Variants in COBLL1 observed in about 807,000 individuals in gnomAD.
COBLL1 encodes the protein cordon-bleu WH2 repeat protein like 1, also known as cordon-bleu protein-like 1.
COBLL1 carries 50 observed loss-of-function variants against 94.8 expected under a neutral mutation model. The observed-to-expected ratio is 0.53, with a 90% confidence interval of 0.42 to 0.67. The LOEUF is 0.67. COBLL1 is among the 30% of genes least tolerant of loss of function. The pLI, the probability that COBLL1 is intolerant of heterozygous loss-of-function variation, is 0.00. For synonymous variants in COBLL1, 448 were observed against 473.8 expected (o/e 0.95, Z 0.71); for missense variants, 1,362 against 1,348.7 (o/e 1.01, Z -0.15).
At chr2:164,823,512 A>C (rs911776461) in intron 2 of COBLL1, among the ~76,000 whole-genome samples, 2 of 152,166 alleles carry the variant, frequency 1.3e-5, no homozygotes, top group Non-Finnish European at 2.9e-5. Flanking sequence ...AGCAAAGATT[A>C]ATAACCAGAA....
At position 164,812,667 on chromosome 2, in the gene COBLL1, T is replaced by G. The variant is rs536256052; in HGVS notation, c.41+28489A>C. On this transcript the variant is annotated intron_variant, in intron 2 of 13. Coordinates refer to ENST00000652658, the MANE Select transcript of COBLL1 (RefSeq NM_001365672.2). Reference sequence around the variant, plus strand: ...TATAAAACAAGTATCTTAGCACCCCTCTCTGAGTTGTCATAAAAATAAAAT... The same window carrying G: ...TATAAAACAAGTATCTTAGCACCCCGCTCTGAGTTGTCATAAAAATAAAAT... 8.5e-5 allele frequency among the ~76,000 whole-genome samples: 13 copies of G among 152,100 alleles called. No individual in the cohort carries two copies. In the South Asian group the frequency reaches 2.5e-3, roughly 29 times the overall value.
At chr2:164,753,720 G>A (rs959952386) in intron 2 of COBLL1, among the ~76,000 whole-genome samples, 7 of 150,732 alleles carry the variant, frequency 4.6e-5, no homozygotes, top group African/African-American at 1.5e-4. Flanking sequence ...AGTATATTTG[G>A]GATAAGTTGA....
At chr2:164,763,954 G>A (rs1687815133) in intron 2 of COBLL1, among the ~76,000 whole-genome samples, 3 of 152,078 alleles carry the variant, frequency 2.0e-5, no homozygotes. Flanking sequence ...TGGAGTGCAG[G>A]GGCGTAACTG....
chr2:164,687,353 T>G, intron 13 of COBLL1: 1 of 707,556 alleles, frequency 1.4e-6, no homozygotes, highest in South Asian at 1.6e-5. Context: ...CACAGCCATA[T>G]GAGCCACTTC....
chr2:164,727,156 G>C, intron 5 of COBLL1: 1 of 1,480,560 alleles, frequency 6.8e-7, no homozygotes, highest in Non-Finnish European at 9.2e-7. Flanking sequence ...TACAGAAGGA[G>C]GGGTATAAAA....
intron 7 of COBLL1, among the ~76,000 whole-genome samples, chr2:164,715,968 C>A (rs1292396123): frequency 6.6e-6 from 1 of 152,060 alleles, no homozygotes; most frequent in African/African-American, 2.4e-5. Flanking sequence ...AAAAATTCTC[C>A]AAAAGGTTCT....
In COBLL1 at chr2:164,732,406, T is replaced by G. The variant is rs59167469; in HGVS notation, c.231-2291A>C. 4.2e-3 allele frequency among the ~76,000 whole-genome samples: 632 copies of G among 152,284 alleles called. 1 individual carries two copies. The highest frequency in any genetic ancestry group is 0.014 in the African/African-American group (578 of 41,574). On this transcript the variant is annotated intron_variant, in intron 3 of 13. Transcript: ENST00000652658. ...AGCAAAATGGTCTTGTGGAAGTTGA[T>G]TTTTTGGTAATATGGTACTCTACAA...
At chr2:164,729,147 C>G (rs1407082613) in intron 4 of COBLL1, among the ~76,000 whole-genome samples, 1 of 151,416 alleles carries the variant, frequency 6.6e-6, no homozygotes. Context: ...TTGTAGAAAG[C>G]AAGTATGTTT....
At chr2:164,690,430 G>A (rs891420458) in intron 13 of COBLL1, among the ~76,000 whole-genome samples, 4 of 152,054 alleles carry the variant, frequency 2.6e-5, no homozygotes, top group East Asian at 1.9e-4. Flanking sequence ...TTTATTGCCC[G>A]CTTTTTATGT....
At chr2:164,742,800 T>C (rs2105558584) in intron 3 of COBLL1, among the ~76,000 whole-genome samples, 1 of 152,210 alleles carries the variant, frequency 6.6e-6, no homozygotes, top group South Asian at 2.1e-4. Context: ...AACCAGATTA[T>C]AAGAATGCAA....
intron 2 of COBLL1, among the ~76,000 whole-genome samples, chr2:164,768,386 A>G (rs940045590): frequency 2.6e-5 from 4 of 151,838 alleles, no homozygotes; most frequent in African/African-American, 9.7e-5. Flanking sequence ...GCCCAACACA[A>G]ATTCGTAAAC....
chr2:164,720,153 G>A (rs1685371589), intron 7 of COBLL1, among the ~76,000 whole-genome samples: 1 of 151,994 alleles, frequency 6.6e-6, no homozygotes, highest in Non-Finnish European at 1.5e-5. Flanking sequence ...GCTTCTCTAG[G>A]GAAAGACAAA....
In COBLL1 at chr2:164,769,890, A is replaced by G. The variant is rs1317490692; in HGVS notation, c.42-26015T>C. Reference sequence around the variant, plus strand: ...AAGAACCAACAGTTTATTATTTTACAATATTAATCAACTACACATAAAAAG... The same window carrying G: ...AAGAACCAACAGTTTATTATTTTACGATATTAATCAACTACACATAAAAAG... On this transcript the variant is annotated intron_variant, in intron 2 of 13. Coordinates refer to ENST00000652658, the MANE Select transcript of COBLL1 (RefSeq NM_001365672.2). 2.6e-5 allele frequency among the ~76,000 whole-genome samples: 4 copies of G among 152,278 alleles called. No individual in the cohort carries two copies. In the East Asian group the frequency reaches 7.7e-4, roughly 29 times the overall value.
chr2:164,694,566 A>C lies in COBLL1; in HGVS notation c.2826T>G (p.Ala942=). Residue 942 remains alanine (A), a synonymous_variant, in exon 12 of 14, where the codon GCT becomes GCG. Coordinates refer to ENST00000652658, the MANE Select transcript of COBLL1 (RefSeq NM_001365672.2). ...TGGGAGGAGGGGAGGCTTCAGCAGG[A>C]GCCTGACCGATGACATCATCATCAG... ...EKTDDDVIGQ[A]PAEASPPPIA... is the part of the protein sequence containing the mutation. 6.2e-7 allele frequency: 1 copy of C among 1,613,934 alleles called. No individual in the cohort carries two copies. Among genetic ancestry groups the C allele is most frequent in the Non-Finnish European group, 8.5e-7 (1 of 1,179,958 alleles).
rs556969047 is a variant in COBLL1 at position 164,722,271 on chromosome 2, C to T, written c.800G>A (p.Arg267His). Reference sequence around the variant, plus strand: ...GGTATTGGACCTTGTAAAAGTTGGGCGGTGCTTATTTACTAGAGGGGTTGC... The same window carrying T: ...GGTATTGGACCTTGTAAAAGTTGGGTGGTGCTTATTTACTAGAGGGGTTGC... ...APATPLVNKHRPTFTRSNTIS... is the reference protein window; with the variant it reads ...APATPLVNKHHPTFTRSNTIS... Residue 267 changes from arginine to histidine, a missense_variant, in exon 7 of 14, where the codon CGC (arginine) becomes CAC (histidine). Transcript: ENST00000652658. 3.4e-5 allele frequency: 55 copies of T among 1,613,788 alleles called. No homozygotes were observed. Among genetic ancestry groups the T allele is most frequent in the South Asian group, 4.4e-5 (4 of 91,056 alleles).
At chr2:164,662,547 G>A (rs1054203834) in intron 2 of COBLL1, among the ~76,000 whole-genome samples, 1 of 152,246 alleles carries the variant, frequency 6.6e-6, no homozygotes, top group Admixed American at 6.5e-5. Context: ...CAGTGATATC[G>A]TTTCAATATA....
chr2:164,748,855 CA>C (rs1686994132), intron 2 of COBLL1, among the ~76,000 whole-genome samples: 1 of 152,130 alleles, frequency 6.6e-6, no homozygotes, highest in Non-Finnish European at 1.5e-5. Context: ...TTATGCAAAT[CA>C]TTGCTTTATT....
chr2:164,714,789 T>C (rs1685080663), intron 7 of COBLL1, among the ~76,000 whole-genome samples: 1 of 152,158 alleles, frequency 6.6e-6, no homozygotes, highest in Non-Finnish European at 1.5e-5. Flanking sequence ...CTAAGTAAAC[T>C]TCATACTGGT....
intron 7 of COBLL1, among the ~76,000 whole-genome samples, chr2:164,706,468 T>C (rs932912932): frequency 6.6e-6 from 1 of 152,212 alleles, no homozygotes; most frequent in Non-Finnish European, 1.5e-5. Flanking sequence ...ATTTGCATGC[T>C]GATGAATTCC....
Sources: allele counts gnomAD v4.1 joint callset (sites outside exome capture counted in the v4.1 genomes callset), GRCh38; gene constraint gnomAD v4.1.1; transcripts MANE v1.5; gene names NCBI Gene and HGNC (gene_info 2026-07-23, HGNC 2026-07-21).